The following STC2 variants were observed in gnomAD, a reference collection of about 807,000 sequenced individuals.
The protein encoded by STC2 is stanniocalcin-2.
A neutral mutation model predicts 22.7 loss-of-function variants in STC2; 7 were observed. The ratio of observed to expected loss-of-function variants is 0.31; its 90% CI spans 0.18 to 0.58. The LOEUF (loss-of-function observed/expected upper bound fraction) is 0.58. Ranked by LOEUF, STC2 falls within the 20% of genes least tolerant of loss-of-function variation. The probability of loss-of-function intolerance (pLI) is 0.89; values close to 1 mark genes in which losing one functional copy is unlikely to be tolerated. For missense variants in STC2, 336 were observed against 406.2 expected (o/e 0.83, Z 1.48); for synonymous variants, 158 against 163.4 (o/e 0.97, Z 0.25).
At position 173,315,037 on chromosome 5, in the gene STC2, G is replaced by A. The variant is rs1581136584; in HGVS notation, c.*2810C>T. ...TAGATGTCAGCATTTTACTATACTT[G>A]GTCCTCTCACTTCAGAATAACAGGG... On this transcript the variant is annotated 3_prime_UTR_variant, in exon 4 of 4. Transcript: ENST00000265087. 6.6e-6 allele frequency: 1 copy of A among 152,180 alleles called. No homozygotes were observed. 9.4% of individuals were successfully genotyped at this position (152,180 alleles called of 1,614,324 possible). A position where few individuals can be genotyped will look rare whatever the true frequency, so the allele number is the denominator to read the frequency against.
At chr5:173,324,296 G>C (rs1279230527) in intron 2 of STC2, 2 of 152,236 alleles carry the variant, frequency 1.3e-5, no homozygotes, top group African/African-American at 2.4e-5. Flanking sequence ...TATCAACCTC[G>C]CGCAGCCCGG....
rs909153264 is a variant in STC2, at chr5:173,315,761, A to G, written c.*2086T>C. ...CACGGTTTACACTCGTTCCCATGGCAGAGCCTGACACACAGGTCCTCCTCC... is the reference window on the plus strand; with the variant it reads ...CACGGTTTACACTCGTTCCCATGGCGGAGCCTGACACACAGGTCCTCCTCC... On this transcript the variant is annotated 3_prime_UTR_variant, in exon 4 of 4. Transcript: ENST00000265087. The G allele has an allele frequency of 6.6e-6, 1 of 152,276 alleles. No individual in the cohort carries two copies. The highest frequency in any genetic ancestry group is 2.4e-5 in the African/African-American group (1 of 41,444). The allele number at this position is 152,276 out of a possible 1,614,324, so 9.4% of individuals were successfully genotyped here.
intron 1 of STC2, among the ~76,000 whole-genome samples, chr5:173,326,266 G>T (rs766290092): frequency 2.0e-5 from 3 of 152,186 alleles, no homozygotes; most frequent in Non-Finnish European, 4.4e-5. Flanking sequence ...CAGAAGGCTG[G>T]TCTGAGCATT....
chr5:173,320,892 A>G (rs900113392), intron 3 of STC2, among the ~76,000 whole-genome samples: 4 of 151,478 alleles, frequency 2.6e-5, no homozygotes, highest in African/African-American at 9.7e-5. Flanking sequence ...TAATCAGTTA[A>G]GATGGTTGGG....
chr5:173,325,739 T>A lies in STC2; in HGVS notation c.294+129A>T. ...CTGGCATAATGTTTTATACCTAGACTGTCGCTTGCAAGCACTAAAACACAC... is the reference window on the plus strand; with the variant it reads ...CTGGCATAATGTTTTATACCTAGACAGTCGCTTGCAAGCACTAAAACACAC... On this transcript the variant is annotated intron_variant, in intron 2 of 3. Transcript: ENST00000265087. The surrounding 1 kb of genome is among the most constrained non-coding windows in gnomAD (Gnocchi z 4.7). The A allele has an allele frequency of 7.9e-7, 1 of 1,270,174 alleles. No homozygotes were observed. The highest frequency in any genetic ancestry group is 1.1e-6 in the Non-Finnish European group (1 of 894,368). 78.7% of individuals were successfully genotyped at this position (1,270,174 alleles called of 1,614,324 possible).
chr5:173,326,882 C>T (rs1277249333), intron 1 of STC2: 1 of 152,190 alleles, frequency 6.6e-6, no homozygotes, highest in African/African-American at 2.4e-5. Flanking sequence ...TTAAATCAAC[C>T]ACAAAATTAC....
At chr5:173,320,699 T>G in intron 3 of STC2, among the ~76,000 whole-genome samples, 3 of 123,928 alleles carry the variant, frequency 2.4e-5, no homozygotes, top group South Asian at 2.9e-4. Context: ...TAACTGGGGG[T>G]GAGTGTTCTG....
At chr5:173,321,736 T>C (rs4867701) in intron 3 of STC2, among the ~76,000 whole-genome samples, 67,653 of 152,094 alleles carry the variant, frequency 0.44, 16,458 homozygotes, top group Admixed American at 0.59. Context: ...TTCTATCTTG[T>C]AGCATCTTTG....
In STC2 at chr5:173,318,263, G is replaced by T; in HGVS notation, c.507-14C>A. ...TCCACGTAGGGTCTAAAGATTGAAAGCAAAGAGAGAGAGAGAGAGAGAGAG... is the reference window on the plus strand; with the variant it reads ...TCCACGTAGGGTCTAAAGATTGAAATCAAAGAGAGAGAGAGAGAGAGAGAG... On this transcript the variant is annotated splice_polypyrimidine_tract_variant and intron_variant, in intron 3 of 3. Transcript: ENST00000265087. 1.6e-6 allele frequency: 2 copies of T among 1,231,590 alleles called. No homozygotes were observed. The highest frequency in any genetic ancestry group is 2.1e-6 in the Non-Finnish European group (2 of 958,670). 76.3% of individuals were successfully genotyped at this position (1,231,590 alleles called of 1,614,324 possible).
Position 173,323,319 on chromosome 5 carries a change from G to C in STC2, c.406C>G (p.Gln136Glu), listed in dbSNP as rs1320642544. 6 of 1,614,208 alleles carry C rather than the reference G, an allele frequency of 3.7e-6. No individual in the cohort carries two copies. The highest frequency in any genetic ancestry group is 5.1e-6 in the Non-Finnish European group (6 of 1,180,032). ...TCGTGCTTGAGGTAGCATTCCCGCTGCAACTGGGACACCATTTCCCTGATG... is the reference window on the plus strand; with the variant it reads ...TCGTGCTTGAGGTAGCATTCCCGCTCCAACTGGGACACCATTTCCCTGATG... ...PAIREMVSQL[Q>E]RECYLKHDLC... The change falls in exon 3 of 4, where the codon CAG becomes GAG. Residue 136 changes from glutamine to glutamate, a missense_variant. Physicochemically the swap from Gln to Glu is conservative, Grantham distance 29. This residue lies in a region of STC2 where 215 missense variants were observed against 231.5 expected (regional missense o/e 0.93). Coordinates refer to ENST00000265087, the MANE Select transcript of STC2 (RefSeq NM_003714.3). The surrounding 1 kb of genome is among the most constrained non-coding windows in gnomAD (Gnocchi z 5.4).
rs1428553579 is a variant in STC2, at chr5:173,323,879, T to C, written c.295-449A>G. 3 of 173,856 alleles carry C rather than the reference T, an allele frequency of 1.7e-5. No homozygotes were observed. Among genetic ancestry groups the C allele is most frequent in the Non-Finnish European group, 3.7e-5 (3 of 80,178 alleles). 10.8% of individuals were successfully genotyped at this position (173,856 alleles called of 1,614,324 possible). ...AGTGGAAGGTGCCTGCATGTCCAAA[T>C]CTCACACGTTTCCTTTTTCCCTTGA... On this transcript the variant is annotated intron_variant, in intron 2 of 3. Transcript: ENST00000265087. The surrounding 1 kb of genome is among the most constrained non-coding windows in gnomAD (Gnocchi z 5.4).
At chr5:173,326,080 T>G in intron 1 of STC2, 70 bp from the exon 2 acceptor site, 1 of 1,540,242 alleles carries the variant, frequency 6.5e-7, no homozygotes, top group East Asian at 2.3e-5. Flanking sequence ...AGAGGTCATT[T>G]GAAATAAAAG....
Position 173,323,371 on chromosome 5 carries a change from G to A in STC2, c.354C>T (p.Phe118=), listed in dbSNP as rs771360667. ...KCKAHALRHR[F]GCISRKCPAI... is the part of the protein sequence containing the mutation. ...CCGGGCACTTCCGGCTTATGCAGCC[G>A]AACCTGTGCCGCAGAGCGTGGGCCT... Residue 118 remains phenylalanine (F), a synonymous_variant, in exon 3 of 4, where the codon TTC becomes TTT. Coordinates refer to ENST00000265087, the MANE Select transcript of STC2 (RefSeq NM_003714.3). This position sits in a 1 kb window ranked among gnomAD's most constrained non-coding sequence, Gnocchi z 5.4. The A allele has an allele frequency of 5.0e-5, 81 of 1,614,012 alleles. No individual in the cohort carries two copies. The highest frequency in any genetic ancestry group is 6.4e-5 in the Non-Finnish European group (75 of 1,180,016).
chr5:173,316,294 G>T lies in STC2; in HGVS notation c.*1553C>A, dbSNP rs531392067. On this transcript the variant is annotated 3_prime_UTR_variant, in exon 4 of 4. Coordinates refer to ENST00000265087, the MANE Select transcript of STC2 (RefSeq NM_003714.3). The stretch of plus-strand genomic sequence containing the variant: ...GAGTAGTTTCGACAGAGACCTCACG[G>T]CTCGCCAAACTGAAAGTACTGGATT... 67 of 152,156 alleles carry T rather than the reference G, an allele frequency of 4.4e-4. No individual in the cohort carries two copies. Among genetic ancestry groups the T allele is most frequent in the Non-Finnish European group, 7.4e-4 (50 of 68,018 alleles). 9.4% of individuals were successfully genotyped at this position (152,156 alleles called of 1,614,324 possible). A position where few individuals can be genotyped will look rare whatever the true frequency, so the allele number is the denominator to read the frequency against.
chr5:173,324,755 T>C (rs1762526205), intron 2 of STC2, among the ~76,000 whole-genome samples: 1 of 152,250 alleles, frequency 6.6e-6, no homozygotes, highest in Admixed American at 6.5e-5. Context: ...TTGGTATTCT[T>C]CCCTGACATC....
At position 173,315,052 on chromosome 5, in the gene STC2, G is replaced by A. The variant is rs1393900086; in HGVS notation, c.*2795C>T. The A allele has an allele frequency of 3.3e-5, 5 of 152,144 alleles. No individual in the cohort carries two copies. Among genetic ancestry groups the A allele is most frequent in the Non-Finnish European group, 7.3e-5 (5 of 68,028 alleles). The allele number at this position is 152,144 out of a possible 1,614,324, so 9.4% of individuals were successfully genotyped here. The stretch of plus-strand genomic sequence containing the variant: ...TACTATACTTGGTCCTCTCACTTCA[G>A]AATAACAGGGCTATTTATTGATACA... On this transcript the variant is annotated 3_prime_UTR_variant, in exon 4 of 4. Coordinates refer to ENST00000265087, the MANE Select transcript of STC2 (RefSeq NM_003714.3).
rs1341509971 is a variant in STC2 at position 173,317,818 on chromosome 5, G to A, written c.*29C>T. 6.5e-7 allele frequency: 1 copy of A among 1,527,358 alleles called. No individual in the cohort carries two copies. Among genetic ancestry groups the A allele is most frequent in the Non-Finnish European group, 8.8e-7 (1 of 1,134,618 alleles). The allele number at this position is 1,527,358 out of a possible 1,614,324, so 94.6% of individuals were successfully genotyped here. Reference sequence around the variant, plus strand: ...TAGATAAGAAAATGGACGGCGTGGAGGAAAGATTTCGTGGCCAGGCCTTTC... The same window carrying A: ...TAGATAAGAAAATGGACGGCGTGGAAGAAAGATTTCGTGGCCAGGCCTTTC... On this transcript the variant is annotated 3_prime_UTR_variant, in exon 4 of 4. Transcript: ENST00000265087.
At position 173,316,941 on chromosome 5, in the gene STC2, A is replaced by G. The variant is rs1762427899; in HGVS notation, c.*906T>C. 1 of 152,064 alleles carries G rather than the reference A, an allele frequency of 6.6e-6. No individual in the cohort carries two copies. Among genetic ancestry groups the G allele is most frequent in the Admixed American group, 6.5e-5 (1 of 15,268 alleles). 9.4% of individuals were successfully genotyped at this position (152,064 alleles called of 1,614,324 possible). A position where few individuals can be genotyped will look rare whatever the true frequency, so the allele number is the denominator to read the frequency against. On this transcript the variant is annotated 3_prime_UTR_variant, in exon 4 of 4. Coordinates refer to ENST00000265087, the MANE Select transcript of STC2 (RefSeq NM_003714.3). ...GAGTCCATGTCAGGCAGTCAGATGTATGGCTATGTCGCTGTTTGATAGCTT... is the reference window on the plus strand; with the variant it reads ...GAGTCCATGTCAGGCAGTCAGATGTGTGGCTATGTCGCTGTTTGATAGCTT...
At chr5:173,322,955 A>G (rs1303413040) in intron 3 of STC2, 1 of 514,444 alleles carries the variant, frequency 1.9e-6, no homozygotes, top group Non-Finnish European at 3.5e-6. Context: ...GTATTACTGA[A>G]TCGACACATT....
Sources: gnomAD v4.1 joint callset for allele counts (sites outside exome capture counted in the v4.1 genomes callset) on GRCh38, gnomAD v4.1.1 for gene constraint, gnomAD v4.1.1 regional missense constraint, Gnocchi (gnomAD v3.1) non-coding constraint, MANE v1.5 for transcripts, NCBI Gene and HGNC (gene_info 2026-07-23, HGNC 2026-07-21) for gene names.